Variants in SPATA6 observed in about 807,000 individuals in gnomAD.
SPATA6 encodes the protein spermatogenesis-associated protein 6.
Under a neutral mutation model 65.3 loss-of-function variants are expected in SPATA6, and 56 were observed. That is an observed-to-expected ratio of 0.86 (90% CI 0.69 to 1.07). SPATA6 has a LOEUF of 1.07. Ranked by LOEUF, SPATA6 falls within the 50% of genes least tolerant of loss-of-function variation. The pLI is 0.00. For synonymous variants in SPATA6, 199 were observed against 213.2 expected, an observed-to-expected ratio of 0.93 and a Z score of 0.58; for missense variants, 590 against 594.8, an observed-to-expected ratio of 0.99 and a Z score of 0.08.
Position 48,325,912 on chromosome 1 carries a change from T to A in SPATA6, c.1195-20034A>T, listed in dbSNP as rs879148116. 1.9e-5 allele frequency: 6 copies of A among 308,122 alleles called. No individual in the cohort carries two copies. In the South Asian group the frequency reaches 2.8e-4, roughly 14 times the overall value. The allele number at this position is 308,122 out of a possible 1,614,324, so 19.1% of individuals were successfully genotyped here. On this transcript the variant is annotated intron_variant, in intron 11 of 12. Transcript: ENST00000371847. ...ATGCTTGTGGTAGGCAAGTGCAGTA[T>A]GGATCCAAGAGCAAGACTGGTGTTC...
At chr1:48,283,270 A>T in the SPATA6 span, among the ~76,000 whole-genome samples, 1 of 151,938 alleles carries the variant, frequency 6.6e-6, no homozygotes, top group Admixed American at 6.6e-5. Flanking sequence ...CCAGCATGGC[A>T]CATGTATACA....
At chr1:48,418,886 G>A (rs543369275) in intron 3 of SPATA6, among the ~76,000 whole-genome samples, 26 of 151,018 alleles carry the variant, frequency 1.7e-4, no homozygotes, top group Non-Finnish European at 3.7e-4. Flanking sequence ...AGGAAAAGGA[G>A]AGAGAAGAAA....
intron 12 of SPATA6, among the ~76,000 whole-genome samples, chr1:48,305,288 G>A (rs115239885): frequency 9.9e-5 from 15 of 152,194 alleles, no homozygotes; most frequent in African/African-American, 3.6e-4. Context: ...TTCAAAGAAC[G>A]TTTGGCTGTA....
intron 9 of SPATA6, among the ~76,000 whole-genome samples, chr1:48,368,745 C>G (rs1647122784): frequency 6.6e-6 from 1 of 152,046 alleles, no homozygotes; most frequent in Non-Finnish European, 1.5e-5. Context: ...TTTGAATTTC[C>G]TCCTGTAGCT....
At chr1:48,313,259 T>G (rs189124327) in intron 11 of SPATA6, among the ~76,000 whole-genome samples, 88 of 152,222 alleles carry the variant, frequency 5.8e-4, no homozygotes, top group East Asian at 4.4e-3. Context: ...CACCAAAGTT[T>G]AAATGAAGGC....
the SPATA6 span, among the ~76,000 whole-genome samples, chr1:48,279,668 G>A: frequency 6.6e-6 from 1 of 152,086 alleles, no homozygotes; most frequent in Non-Finnish European, 1.5e-5. Flanking sequence ...ACAGGAGCAT[G>A]CAGATTCATA....
At chr1:48,325,851 T>C in intron 11 of SPATA6, 1 of 398,694 alleles carries the variant, frequency 2.5e-6, no homozygotes, top group South Asian at 2.6e-5. Context: ...AAGTGCTGTG[T>C]GTACTGTTGA....
intron 1 of SPATA6, among the ~76,000 whole-genome samples, chr1:48,454,335 T>C (rs1486823297): frequency 1.3e-5 from 2 of 152,150 alleles, no homozygotes; most frequent in African/African-American, 4.8e-5. Flanking sequence ...CTTTCATCAT[T>C]GTATAATGTA....
At chr1:48,357,893 G>A (rs967384327) in intron 10 of SPATA6, among the ~76,000 whole-genome samples, 5 of 152,048 alleles carry the variant, frequency 3.3e-5, no homozygotes, top group African/African-American at 4.8e-5. Context: ...TATACCAACA[G>A]AATGTTAATT....
the SPATA6 span, among the ~76,000 whole-genome samples, chr1:48,286,016 T>A: frequency 2.0e-5 from 3 of 152,318 alleles, no homozygotes; most frequent in East Asian, 5.8e-4. Flanking sequence ...CCCTATTCTG[T>A]TCCACTGATC....
intron 11 of SPATA6, among the ~76,000 whole-genome samples, chr1:48,339,915 T>C (rs1460751155): frequency 6.6e-6 from 1 of 151,982 alleles, no homozygotes; most frequent in African/African-American, 2.4e-5. Flanking sequence ...ATGCTCTGAA[T>C]TGCTCCTCAT....
At chr1:48,423,620 T>A (rs1347826782) in intron 3 of SPATA6, among the ~76,000 whole-genome samples, 1 of 143,506 alleles carries the variant, frequency 7.0e-6, no homozygotes, top group Non-Finnish European at 1.5e-5. Context: ...CAATCTCGGC[T>A]CACTGCAAAC....
chr1:48,409,171 T>G (rs925638321), intron 5 of SPATA6, among the ~76,000 whole-genome samples: 7 of 152,206 alleles, frequency 4.6e-5, no homozygotes, highest in Non-Finnish European at 8.8e-5. Context: ...GTATAGGCAT[T>G]GAGTAAATAC....
intron 11 of SPATA6, among the ~76,000 whole-genome samples, chr1:48,335,182 A>G (rs546399784): frequency 6.6e-6 from 1 of 152,262 alleles, no homozygotes; most frequent in East Asian, 1.9e-4. Flanking sequence ...AGGAAGAATA[A>G]ATATCATTAA....
intron 3 of SPATA6, among the ~76,000 whole-genome samples, chr1:48,443,806 G>A (rs1284440731): frequency 1.3e-5 from 2 of 152,084 alleles, no homozygotes; most frequent in Non-Finnish European, 2.9e-5. Context: ...GCTATTACTC[G>A]CCTTCAGGCC....
chr1:48,427,481 A>G (rs1395667024), intron 3 of SPATA6, among the ~76,000 whole-genome samples: 2 of 151,768 alleles, frequency 1.3e-5, no homozygotes, highest in Non-Finnish European at 2.9e-5. Context: ...ATCGTTCAGG[A>G]AACTTTGCTG....
chr1:48,293,701 C>A (rs546836739), downstream of SPATA6, among the ~76,000 whole-genome samples: 14 of 152,286 alleles, frequency 9.2e-5, no homozygotes, highest in South Asian at 2.9e-3. Context: ...TTCCTTCTTA[C>A]TTCACAAACC....
intron 3 of SPATA6, among the ~76,000 whole-genome samples, chr1:48,425,260 T>C (rs1322550127): frequency 6.6e-6 from 1 of 152,128 alleles, no homozygotes; most frequent in Non-Finnish European, 1.5e-5. Context: ...CTTTCCCCAG[T>C]GTTATGTTTT....
chr1:48,372,253 A>C (rs112889904), intron 9 of SPATA6, among the ~76,000 whole-genome samples: 12,772 of 152,178 alleles, frequency 0.084, 548 homozygotes, highest in Non-Finnish European at 0.093. Flanking sequence ...GCCTAGACAC[A>C]ATGGGGGTAC....
Sources: allele counts gnomAD v4.1 joint callset (sites outside exome capture counted in the v4.1 genomes callset), GRCh38; gene constraint gnomAD v4.1.1; transcripts MANE v1.5; gene names NCBI Gene and HGNC (gene_info 2026-07-23, HGNC 2026-07-21).